GBE1: variants seen among roughly 807,000 people sequenced by gnomAD.
GBE1 encodes the protein 1,4-alpha-glucan-branching enzyme.
Under a neutral mutation model 88.8 loss-of-function variants are expected in GBE1, and 70 were observed. The ratio of observed to expected loss-of-function variants is 0.79; its 90% CI spans 0.65 to 0.96. GBE1 has a LOEUF of 0.96. GBE1 is among the 40% of genes least tolerant of loss of function. GBE1 has a pLI of 0.00. For synonymous variants in GBE1, 284 were observed against 300.1 expected (o/e 0.95, Z 0.56); for missense variants, 872 against 871.0 (o/e 1.00, Z -0.01).
intron 1 of GBE1, among the ~76,000 whole-genome samples, chr3:81,758,560 T>C (rs527816465): frequency 6.6e-6 from 1 of 152,380 alleles, no homozygotes; most frequent in East Asian, 1.9e-4. Flanking sequence ...TGACTCATGC[T>C]GACATGTAAT....
intron 10 of GBE1, among the ~76,000 whole-genome samples, chr3:81,581,580 CTTGA>C (rs1703732235): frequency 6.6e-6 from 1 of 151,972 alleles, no homozygotes; most frequent in African/African-American, 2.4e-5. Context: ...ACTGCCACCT[CTTGA>C]TTAATGCCCA....
chr3:81,501,794 T>A (rs1289966776), intron 14 of GBE1, among the ~76,000 whole-genome samples: 1 of 141,458 alleles, frequency 7.1e-6, no homozygotes, highest in Non-Finnish European at 1.5e-5. Context: ...CTCCCTGGGC[T>A]CAAGCAATTT....
chr3:81,726,870 G>A (rs565278542), intron 1 of GBE1, among the ~76,000 whole-genome samples: 19 of 152,184 alleles, frequency 1.2e-4, no homozygotes, highest in African/African-American at 3.1e-4. Context: ...GTGAGCCACC[G>A]TGCCCGGCTG....
chr3:81,510,293 T>C (rs2106826797), intron 14 of GBE1, among the ~76,000 whole-genome samples: 1 of 152,272 alleles, frequency 6.6e-6, no homozygotes, highest in South Asian at 2.1e-4. Context: ...TCTGATTATT[T>C]TAGCTGTGGT....
chr3:81,753,786 G>T (rs2107239822), intron 1 of GBE1, among the ~76,000 whole-genome samples: 1 of 152,338 alleles, frequency 6.6e-6, no homozygotes, highest in South Asian at 2.1e-4. Flanking sequence ...GTGCAGAAGA[G>T]CAGGTCATGT....
chr3:81,662,494 T>C (rs538220640), intron 3 of GBE1, among the ~76,000 whole-genome samples: 5 of 152,234 alleles, frequency 3.3e-5, no homozygotes, highest in African/African-American at 1.2e-4. Flanking sequence ...ATCATTTACT[T>C]ATGAAAAAGT....
At chr3:81,560,855 T>G (rs1241850561) in intron 12 of GBE1, among the ~76,000 whole-genome samples, 1 of 152,058 alleles carries the variant, frequency 6.6e-6, no homozygotes, top group East Asian at 1.9e-4. Context: ...AGTCTTTTTT[T>G]GTTAATTGTA....
At chr3:81,646,320 G>T (rs1443471938) in intron 6 of GBE1, 72 bp downstream of exon 6, 3 of 981,006 alleles carry the variant, frequency 3.1e-6, no homozygotes, top group African/African-American at 3.3e-5. Flanking sequence ...TATAAAAAAT[G>T]AACAATTTCA....
In GBE1 at chr3:81,671,856, G is replaced by A. The variant is rs534638297; in HGVS notation, c.314-903C>T. Among the ~76,000 whole-genome samples, 7 of 152,028 alleles carry A rather than the reference G, an allele frequency of 4.6e-5. No individual in the cohort carries two copies. In the South Asian group the frequency reaches 8.3e-4, roughly 18 times the overall value. ...ACTTGTCATCATAAATAGATGAATC[G>A]ATAGAATGACAAGACAAGCTATAAA... is the stretch of plus-strand genomic sequence containing the variant. On this transcript the variant is annotated intron_variant, in intron 2 of 15. Transcript: ENST00000429644.
At chr3:81,661,789 T>C (rs1251600267) in intron 3 of GBE1, among the ~76,000 whole-genome samples, 3 of 152,072 alleles carry the variant, frequency 2.0e-5, no homozygotes, top group African/African-American at 7.2e-5. Context: ...AACAAAATGA[T>C]AGATCTTTAT....
intron 7 of GBE1, among the ~76,000 whole-genome samples, chr3:81,634,322 C>T (rs1387688335): frequency 2.0e-5 from 3 of 152,206 alleles, no homozygotes; most frequent in Non-Finnish European, 2.9e-5. Context: ...ATACATGAAA[C>T]TGAAACTCAA....
intron 1 of GBE1, among the ~76,000 whole-genome samples, chr3:81,740,985 T>C (rs185303656): frequency 4.6e-5 from 7 of 152,082 alleles, no homozygotes; most frequent in Admixed American, 1.3e-4. Context: ...TAAGAAAAAA[T>C]AGAGCACAGA....
At chr3:81,760,181 T>C (rs1253108386) in intron 1 of GBE1, among the ~76,000 whole-genome samples, 3 of 152,174 alleles carry the variant, frequency 2.0e-5, no homozygotes, top group Non-Finnish European at 4.4e-5. Flanking sequence ...CAGCTCAAGG[T>C]GATTATTTTA....
At chr3:81,612,353 G>C (rs1388300332) in intron 7 of GBE1, 1 of 804,330 alleles carries the variant, frequency 1.2e-6, no homozygotes, top group African/African-American at 1.7e-5. Flanking sequence ...GATTTCGGTG[G>C]ACTTTGAAGA....
intron 1 of GBE1, among the ~76,000 whole-genome samples, chr3:81,750,538 C>G (rs9816628): frequency 1.5e-5 from 1 of 67,830 alleles, no homozygotes; most frequent in Non-Finnish European, 2.5e-5. Flanking sequence ...TATATATATA[C>G]GTATATATAT....
At chr3:81,542,511 C>A (rs1703155562) in intron 12 of GBE1, among the ~76,000 whole-genome samples, 1 of 152,060 alleles carries the variant, frequency 6.6e-6, no homozygotes, top group Non-Finnish European at 1.5e-5. Flanking sequence ...ATTTTCAACA[C>A]ACAAATTATA....
At chr3:81,608,535 T>C (rs184907925) in intron 7 of GBE1, among the ~76,000 whole-genome samples, 63 of 152,278 alleles carry the variant, frequency 4.1e-4, no homozygotes, top group Middle Eastern at 6.8e-3. Flanking sequence ...TTTGTGATAT[T>C]TGCTATTTCA....
chr3:81,531,551 T>C (rs1454517187), intron 14 of GBE1, among the ~76,000 whole-genome samples: 1 of 152,000 alleles, frequency 6.6e-6, no homozygotes, highest in East Asian at 1.9e-4. Context: ...TAAAGAATCC[T>C]GCCAGGACTG....
rs2107250843 is a variant in GBE1, at chr3:81,761,481, C to T, written c.37G>A (p.Asp13Asn). The stretch of plus-strand genomic sequence containing the variant: ...GCGGCATTGAGCGCCGCCTCGTAGT[C>T]CTCGGGCCGAGCCGCGGGAGTCATC... Reference protein sequence around the residue: ...APMTPAARPEDYEAALNAALA... With the variant: ...APMTPAARPENYEAALNAALA... Residue 13 changes from aspartate to asparagine, a missense_variant, in exon 1 of 16, where the codon GAC (aspartate) becomes AAC (asparagine). By Grantham distance (23) the Asp-to-Asn change is conservative. Transcript: ENST00000429644. The T allele has an allele frequency of 1.2e-6, 2 of 1,612,416 alleles. No individual in the cohort carries two copies. The highest frequency in any genetic ancestry group is 1.1e-5 in the South Asian group (1 of 90,996).
Sources: gnomAD v4.1 joint callset for allele counts (sites outside exome capture counted in the v4.1 genomes callset) on GRCh38, gnomAD v4.1.1 for gene constraint, MANE v1.5 for transcripts, NCBI Gene and HGNC (gene_info 2026-07-23, HGNC 2026-07-21) for gene names.